The following DOP1A variants were observed in gnomAD, a reference collection of about 807,000 sequenced individuals.
DOP1A encodes DOP1 leucine zipper like protein A, also known as protein DOP1A.
DOP1A carries 90 observed loss-of-function variants against 267.6 expected under a neutral mutation model. The ratio of observed to expected loss-of-function variants is 0.34; its 90% CI spans 0.28 to 0.40. The LOEUF (loss-of-function observed/expected upper bound fraction) is 0.40. DOP1A is among the 10% of genes least tolerant of loss of function. The probability of loss-of-function intolerance (pLI) is 1.00; values close to 1 mark genes in which losing one functional copy is unlikely to be tolerated. For synonymous variants in DOP1A, 932 were observed against 999.1 expected, an observed-to-expected ratio of 0.93 and a Z score of 1.27; for missense variants, 2,437 against 2,900.4, an observed-to-expected ratio of 0.84 and a Z score of 3.67.
At chr6:83,118,824 A>G (rs1775883963) in intron 7 of DOP1A, 64 bp from the exon 8 acceptor site, 4 of 1,412,230 alleles carry the variant, frequency 2.8e-6, no homozygotes, top group Non-Finnish European at 3.9e-6. Flanking sequence ...GGCATTTTTT[A>G]AAGAGGAAAA....
intron 7 of DOP1A, among the ~76,000 whole-genome samples, chr6:83,117,661 A>G (rs998175159): frequency 1.3e-5 from 2 of 152,202 alleles, no homozygotes; most frequent in South Asian, 4.1e-4. Flanking sequence ...ATCAGGGCAT[A>G]TGTCAACAAA....
intron 12 of DOP1A, among the ~76,000 whole-genome samples, chr6:83,124,349 A>G (rs111986715): frequency 0.017 from 2,582 of 152,174 alleles, 38 homozygotes; most frequent in Middle Eastern, 0.048. Context: ...CAGAAGGACA[A>G]ATGAGCCTAT....
intron 4 of DOP1A, among the ~76,000 whole-genome samples, chr6:83,101,258 C>T (rs1021273948): frequency 1.6e-4 from 25 of 152,136 alleles, no homozygotes; most frequent in African/African-American, 4.3e-4. Context: ...CCTCATGATC[C>T]GCCTGCCTCT....
rs548152194 is a variant in DOP1A, at chr6:83,068,408, A to G, written c.-147+629A>G. Among the ~76,000 whole-genome samples, 18 of 152,312 alleles carry G rather than the reference A, an allele frequency of 1.2e-4. No individual in the cohort carries two copies. In the South Asian group the frequency reaches 3.7e-3, roughly 32 times the overall value. On this transcript the variant is annotated intron_variant, in intron 1 of 38. Transcript: ENST00000349129. ...ATAGTCACTTGTTCGGGCCTCCTCC[A>G]TTCCTGTACCCTGAGGGGGGCGGGG...
chr6:83,128,747 G>C, intron 15 of DOP1A, 140 bp from the exon 16 acceptor site: 1 of 913,564 alleles, frequency 1.1e-6, no homozygotes, highest in Non-Finnish European at 1.6e-6. Context: ...GAATAAATCA[G>C]TGTGGGGCTG....
At position 83,168,080 on chromosome 6, in the gene DOP1A, G is replaced by A. The variant is rs1786280461; in HGVS notation, c.7311G>A (p.Glu2437=). 1 of 1,614,146 alleles carries A rather than the reference G, an allele frequency of 6.2e-7. No individual in the cohort carries two copies. The highest frequency in any genetic ancestry group is 8.5e-7 in the Non-Finnish European group (1 of 1,180,032). ...NAFPNKDMKL[E]NHKPCSSKAR... is the part of the protein sequence containing the mutation. ...TCCCTAATAAGGACATGAAACTGGA[G>A]AACCACAAACCATGTTCCAGCAAAG... is the stretch of plus-strand genomic sequence containing the variant. The change falls in exon 39 of 39, where the codon GAG becomes GAA. Residue 2437 remains glutamate, a synonymous_variant. Transcript: ENST00000349129.
At chr6:83,091,985 A>G (rs1381241564) in intron 1 of DOP1A, among the ~76,000 whole-genome samples, 4 of 152,192 alleles carry the variant, frequency 2.6e-5, no homozygotes, top group African/African-American at 9.7e-5. Flanking sequence ...ATTTCTGAGA[A>G]ACAGAACTAG....
intron 19 of DOP1A, 150 bp from the exon 20 acceptor site, chr6:83,135,469 T>C: frequency 1.1e-6 from 1 of 910,294 alleles, no homozygotes. Context: ...GGATTAAGAT[T>C]ATTAAAATAC....
chr6:83,144,138 A>G (rs760791765), intron 24 of DOP1A, among the ~76,000 whole-genome samples: 81 of 152,216 alleles, frequency 5.3e-4, no homozygotes, highest in Non-Finnish European at 7.3e-5. Context: ...CCATGAGTTC[A>G]CTTTTTCTTG....
At position 83,139,019 on chromosome 6, in the gene DOP1A, A is replaced by G. The variant is rs766742341; in HGVS notation, c.4977A>G (p.Gln1659=). 3.6e-5 allele frequency: 58 copies of G among 1,613,964 alleles called. No homozygotes were observed. In the Admixed American group the frequency reaches 4.0e-4, roughly 11 times the overall value. Residue 1659 remains glutamine (Q), a synonymous_variant, in exon 21 of 39, where the codon CAA becomes CAG. Transcript: ENST00000349129. ...HQHCACKMHP[Q]WIGLITSTLP... is the part of the protein sequence containing the mutation. ...ACTGTGCATGTAAGATGCACCCACA[A>G]TGGATTGGTTTAATCACATCTACTC...
At chr6:83,146,373 A>C (rs1293396810) in intron 25 of DOP1A, among the ~76,000 whole-genome samples, 1 of 152,232 alleles carries the variant, frequency 6.6e-6, no homozygotes, top group African/African-American at 2.4e-5. Context: ...AAAATGTTGA[A>C]TGATGTTTTC....
intron 6 of DOP1A, among the ~76,000 whole-genome samples, chr6:83,111,745 A>C (rs28437459): frequency 1.6e-4 from 24 of 152,102 alleles, no homozygotes; most frequent in Admixed American, 1.6e-3. Flanking sequence ...GAATTGTAGG[A>C]GTTCCTTATA....
intron 33 of DOP1A, among the ~76,000 whole-genome samples, chr6:83,155,027 A>G (rs1782497351): frequency 6.6e-6 from 1 of 152,200 alleles, no homozygotes; most frequent in South Asian, 2.1e-4. Context: ...ACCTTAATCA[A>G]ATTTTAAAAG....
intron 1 of DOP1A, among the ~76,000 whole-genome samples, chr6:83,086,564 A>G (rs1402427954): frequency 6.6e-6 from 1 of 152,172 alleles, no homozygotes; most frequent in South Asian, 2.1e-4. Flanking sequence ...AGAAAAGAGA[A>G]GCCAACATAA....
chr6:83,167,995 G>A lies in DOP1A; in HGVS notation c.7226G>A (p.Ser2409Asn). The change falls in exon 39 of 39, where the codon AGC (serine) becomes AAC (asparagine). Residue 2409 changes from serine to asparagine, a missense_variant. By Grantham distance (46) the Ser-to-Asn change is conservative. Coordinates refer to ENST00000349129, the MANE Select transcript of DOP1A (RefSeq NM_015018.4). ...FFNVLSQVFN[S>N]KVTSRCGGHS... ...AATGTGCTCAGTCAAGTCTTCAACAGCAAAGTCACAAGCCGATGTGGAGGA... is the reference window on the plus strand; with the variant it reads ...AATGTGCTCAGTCAAGTCTTCAACAACAAAGTCACAAGCCGATGTGGAGGA... 1 of 1,614,154 alleles carries A rather than the reference G, an allele frequency of 6.2e-7. No homozygotes were observed. The highest frequency in any genetic ancestry group is 8.5e-7 in the Non-Finnish European group (1 of 1,180,032).
At chr6:83,142,937 T>C (rs563208872) in intron 24 of DOP1A, among the ~76,000 whole-genome samples, 1 of 152,312 alleles carries the variant, frequency 6.6e-6, no homozygotes, top group East Asian at 1.9e-4. Flanking sequence ...ATATAAAATA[T>C]ATGATTTTTT....
At chr6:83,086,384 T>G (rs1361075796) in intron 1 of DOP1A, among the ~76,000 whole-genome samples, 1 of 152,162 alleles carries the variant, frequency 6.6e-6, no homozygotes, top group African/African-American at 2.4e-5. Context: ...ATGAACCTCA[T>G]TGTCTTCACT....
chr6:83,125,337 A>T, intron 14 of DOP1A, 142 bp downstream of exon 14: 1 of 1,087,646 alleles, frequency 9.2e-7, no homozygotes, highest in Non-Finnish European at 1.3e-6. Flanking sequence ...GGGAATAGAA[A>T]TTTTATAAGG....
At chr6:83,157,700 G>T (rs1783117181) in intron 35 of DOP1A, among the ~76,000 whole-genome samples, 1 of 152,156 alleles carries the variant, frequency 6.6e-6, no homozygotes, top group Non-Finnish European at 1.5e-5. Flanking sequence ...GGATTTAACT[G>T]CTCTGACATA....
Sources: allele counts gnomAD v4.1 joint callset (sites outside exome capture counted in the v4.1 genomes callset), GRCh38; gene constraint gnomAD v4.1.1; transcripts MANE v1.5; gene names NCBI Gene and HGNC (gene_info 2026-07-23, HGNC 2026-07-21).